The following PRORP variants were observed in gnomAD, a reference collection of about 807,000 sequenced individuals.
The protein encoded by PRORP is mitochondrial ribonuclease P catalytic subunit.
PRORP carries 51 observed loss-of-function variants against 59.4 expected under a neutral mutation model. That is an observed-to-expected ratio of 0.86 (90% confidence interval 0.69 to 1.08). The LOEUF (loss-of-function observed/expected upper bound fraction) is 1.08, where lower values mean the gene tolerates loss of function less well. PRORP is among the 50% of genes least tolerant of loss of function. The pLI, the probability that PRORP is intolerant of heterozygous loss-of-function variation, is 0.00. For missense variants in PRORP, 646 were observed against 690.3 expected, an observed-to-expected ratio of 0.94 and a Z score of 0.72; for synonymous variants, 231 against 245.6, an observed-to-expected ratio of 0.94 and a Z score of 0.55.
chr14:35,143,760 G>A (rs1483687966), intron 4 of PRORP, among the ~76,000 whole-genome samples: 2 of 144,976 alleles, frequency 1.4e-5, no homozygotes, highest in East Asian at 2.3e-4. Flanking sequence ...CGATTCTCCT[G>A]CCTCAGCCTT....
At chr14:35,232,546 A>G (rs2050108557) in intron 5 of PRORP, among the ~76,000 whole-genome samples, 1 of 151,086 alleles carries the variant, frequency 6.6e-6, no homozygotes, top group Non-Finnish European at 1.5e-5. Flanking sequence ...TAAGAAGAAA[A>G]CCTCCATCTC....
chr14:35,223,866 G>A (rs1471368937), intron 5 of PRORP, among the ~76,000 whole-genome samples: 3 of 152,076 alleles, frequency 2.0e-5, no homozygotes, highest in Non-Finnish European at 4.4e-5. Flanking sequence ...ATAAATTATT[G>A]GAAGACTCTA....
At chr14:35,172,453 C>CTTTCTTTCTTTCTTTCT (rs2048337500) in intron 4 of PRORP, among the ~76,000 whole-genome samples, 2 of 46,708 alleles carry the variant, frequency 4.3e-5, no homozygotes, top group African/African-American at 1.2e-4. Context: ...TCCTTCCTTC[C>CTTTCTTTCTTTCTTTCT]TTCTTTCTTT....
In PRORP at chr14:35,142,220, G is replaced by A. The variant is rs1189634513; in HGVS notation, c.1167+14609G>A. Among the ~76,000 whole-genome samples, 2 of 143,324 alleles carry A rather than the reference G, an allele frequency of 1.4e-5. 1 individual carries two copies. The highest frequency in any genetic ancestry group is 4.8e-4 in the East Asian group (2 of 4,184). 94.0% of individuals were successfully genotyped at this position (143,324 alleles called of 152,430 possible). A position where few individuals can be genotyped will look rare whatever the true frequency, so the allele number is the denominator to read the frequency against. On this transcript the variant is annotated intron_variant, in intron 4 of 7. Coordinates refer to ENST00000534898, the MANE Select transcript of PRORP (RefSeq NM_014672.4). Reference sequence around the variant, plus strand: ...TGTAGAGATGGAGTCTCATTATGTTGCCAAGGCTGGTGTTGAACTCCTGGG... The same window carrying A: ...TGTAGAGATGGAGTCTCATTATGTTACCAAGGCTGGTGTTGAACTCCTGGG...
In PRORP at chr14:35,142,271, T is replaced by A. The variant is rs187511388; in HGVS notation, c.1167+14660T>A. ...CTCAAGCATTCCTCCCACCTCAGCC[T>A]CCCAAAGTGCTGGGATAATAAGTGT... On this transcript the variant is annotated intron_variant, in intron 4 of 7. Coordinates refer to ENST00000534898, the MANE Select transcript of PRORP (RefSeq NM_014672.4). Among the ~76,000 whole-genome samples the A allele has an allele frequency of 3.4e-4, 49 of 142,562 alleles. 10 individuals carry two copies. In the East Asian group the frequency reaches 9.7e-3, roughly 28 times the overall value. The allele number at this position is 142,562 out of a possible 152,430, so 93.5% of individuals were successfully genotyped here.
chr14:35,172,904 G>T (rs1167942876), intron 4 of PRORP, among the ~76,000 whole-genome samples: 1 of 141,776 alleles, frequency 7.1e-6, no homozygotes, highest in East Asian at 2.1e-4. Flanking sequence ...GTTTCTCTCT[G>T]TTGCCCAGGC....
At chr14:35,220,756 A>G (rs903909540) in intron 5 of PRORP, among the ~76,000 whole-genome samples, 3 of 152,120 alleles carry the variant, frequency 2.0e-5, no homozygotes, top group Admixed American at 1.3e-4. Flanking sequence ...CTTTTATTCT[A>G]TTCATTCAGC....
rs369603316 is a variant in PRORP, at chr14:35,216,537, T to G, written c.1275+35760T>G. On this transcript the variant is annotated intron_variant, in intron 5 of 7. Coordinates refer to ENST00000534898, the MANE Select transcript of PRORP (RefSeq NM_014672.4). The stretch of plus-strand genomic sequence containing the variant: ...TTGTCCACACTGGTATATCACATTT[T>G]ATTTATCCATTCATCAGTTGAGTTG... 1.9e-4 allele frequency among the ~76,000 whole-genome samples: 29 copies of G among 152,278 alleles called. No individual in the cohort carries two copies. The South Asian group carries it at 2.3e-3, about 12-fold the overall frequency.
At chr14:35,213,397 C>T (rs2049502081) in intron 5 of PRORP, among the ~76,000 whole-genome samples, 2 of 152,016 alleles carry the variant, frequency 1.3e-5, no homozygotes, top group African/African-American at 2.4e-5. Flanking sequence ...CACAACTGCA[C>T]TCCAGTCTGC....
At chr14:35,188,758 A>T (rs1188864234) in intron 5 of PRORP, among the ~76,000 whole-genome samples, 1 of 151,778 alleles carries the variant, frequency 6.6e-6, no homozygotes, top group Non-Finnish European at 1.5e-5. Context: ...CAGGCAGATC[A>T]CGAGGTCAAG....
chr14:35,273,407 A>G (rs746208059), intron 7 of PRORP, 28 bp from the exon 8 acceptor site: 1 of 1,589,220 alleles, frequency 6.3e-7, no homozygotes, highest in Non-Finnish European at 8.6e-7. Flanking sequence ...GTTGTTCTCA[A>G]TGTTTTGTTC....
chr14:35,160,210 A>G (rs1407947353), intron 4 of PRORP, among the ~76,000 whole-genome samples: 2 of 152,212 alleles, frequency 1.3e-5, no homozygotes, highest in Non-Finnish European at 2.9e-5. Flanking sequence ...TGTTCCTGGG[A>G]TATCCCCAAG....
intron 5 of PRORP, among the ~76,000 whole-genome samples, chr14:35,205,937 C>G (rs2049281907): frequency 6.6e-6 from 1 of 152,214 alleles, no homozygotes; most frequent in South Asian, 2.1e-4. Context: ...CCTATGTTCT[C>G]TCTAAGAAGC....
chr14:35,173,974 C>T (rs568898321), intron 4 of PRORP, among the ~76,000 whole-genome samples: 3 of 152,092 alleles, frequency 2.0e-5, no homozygotes, highest in Admixed American at 6.6e-5. Flanking sequence ...TTACATATAA[C>T]GTCTACTTGG....
intron 4 of PRORP, among the ~76,000 whole-genome samples, chr14:35,166,605 A>C (rs960344479): frequency 1.3e-5 from 2 of 151,910 alleles, no homozygotes; most frequent in African/African-American, 4.8e-5. Flanking sequence ...GCGTGCCACC[A>C]CGCCCAGCTA....
intron 5 of PRORP, among the ~76,000 whole-genome samples, chr14:35,190,612 TCTC>T (rs1272929252): frequency 6.6e-6 from 1 of 151,966 alleles, no homozygotes; most frequent in Non-Finnish European, 1.5e-5. Flanking sequence ...TTCAAGCAAT[TCTC>T]CTGCCTCAGC....
intron 7 of PRORP, among the ~76,000 whole-genome samples, chr14:35,271,023 C>T (rs1295483077): frequency 6.6e-6 from 1 of 151,756 alleles, no homozygotes; most frequent in South Asian, 2.1e-4. Flanking sequence ...GGAGACAGAG[C>T]TTGCAGTGAG....
chr14:35,211,054 C>T (rs748561295), intron 5 of PRORP, among the ~76,000 whole-genome samples: 3 of 151,912 alleles, frequency 2.0e-5, no homozygotes, highest in Admixed American at 1.3e-4. Context: ...ATTATAGATG[C>T]GAGCCACCAC....
chr14:35,209,493 T>C (rs907683866), intron 5 of PRORP, among the ~76,000 whole-genome samples: 6 of 152,216 alleles, frequency 3.9e-5, no homozygotes, highest in African/African-American at 1.4e-4. Flanking sequence ...AATTTTAGTT[T>C]CCTTGTCAGA....
Sources: gnomAD v4.1 joint callset for allele counts (sites outside exome capture counted in the v4.1 genomes callset) on GRCh38, gnomAD v4.1.1 for gene constraint, MANE v1.5 for transcripts, NCBI Gene and HGNC (gene_info 2026-07-23, HGNC 2026-07-21) for gene names.